MYOCOS: variants seen among roughly 807,000 people sequenced by gnomAD.
MYOCOS encodes the protein myocilin opposite strand.
At chr1:171,609,059 C>A (rs1202735990) in intron 1 of MYOCOS, among the ~76,000 whole-genome samples, 1 of 152,204 alleles carries the variant, frequency 6.6e-6, no homozygotes, top group Non-Finnish European at 1.5e-5. Context: ...TACAGCTGGT[C>A]TCAGCCACAG....
intron 1 of MYOCOS, among the ~76,000 whole-genome samples, chr1:171,606,879 G>A (rs949556683): frequency 3.9e-5 from 6 of 152,054 alleles, no homozygotes; most frequent in Non-Finnish European, 7.4e-5. Flanking sequence ...GGATCACGAG[G>A]TCTGGAGTCT....
At chr1:171,612,266 A>G (rs1652368880) in intron 1 of MYOCOS, among the ~76,000 whole-genome samples, 2 of 151,580 alleles carry the variant, frequency 1.3e-5, no homozygotes, top group South Asian at 2.1e-4. Context: ...TTTAGTAGAG[A>G]CGGGGTTTCA....
chr1:171,605,390 CACACAAAA>C (rs377179659), intron 1 of MYOCOS, among the ~76,000 whole-genome samples: 4,533 of 133,336 alleles, frequency 0.034, 253 homozygotes, highest in African/African-American at 0.15. Context: ...CACACACACA[CACACAAAA>C]AAAAAAAAAC....
intron 1 of MYOCOS, among the ~76,000 whole-genome samples, chr1:171,614,573 C>T (rs1157644528): frequency 3.3e-5 from 5 of 152,156 alleles, no homozygotes; most frequent in Non-Finnish European, 5.9e-5. Context: ...GGGGCAGAAA[C>T]GTGGCTAAGG....
chr1:171,615,633 A>G (rs58804054), intron 2 of MYOCOS, among the ~76,000 whole-genome samples: 9,541 of 152,162 alleles, frequency 0.063, 952 homozygotes, highest in African/African-American at 0.22. Context: ...GACATTGTAT[A>G]GAAGAACATT....
upstream of MYOCOS, among the ~76,000 whole-genome samples, chr1:171,621,527 C>G (rs955601202): frequency 1.3e-5 from 2 of 152,112 alleles, no homozygotes; most frequent in South Asian, 2.1e-4. Flanking sequence ...AGGCACCCGC[C>G]ACCACGCCTG....
At chr1:171,623,250 G>A (rs7516058) in intron 1 of MYOCOS, among the ~76,000 whole-genome samples, 15 of 152,188 alleles carry the variant, frequency 9.9e-5, no homozygotes, top group South Asian at 2.1e-4. Context: ...CAAGGTGACC[G>A]GCAGTAAATG....
chr1:171,620,099 A>T (rs1165030519), upstream of MYOCOS, among the ~76,000 whole-genome samples: 2 of 147,872 alleles, frequency 1.4e-5, no homozygotes, highest in East Asian at 3.9e-4. Flanking sequence ...CCTATATATA[A>T]AATATATATA....
At chr1:171,617,456 A>G (rs1246094274), upstream of MYOCOS, among the ~76,000 whole-genome samples, 1 of 152,156 alleles carries the variant, frequency 6.6e-6, no homozygotes, top group Non-Finnish European at 1.5e-5. Context: ...GGTCTGAGAA[A>G]GAGTTGCCAG....
chr1:171,619,741 G>A (rs546197605), upstream of MYOCOS, among the ~76,000 whole-genome samples: 7 of 150,934 alleles, frequency 4.6e-5, no homozygotes, highest in East Asian at 1.4e-3. Context: ...GGAGGCTGAG[G>A]CACATAATCA....
chr1:171,622,531 T>G (rs1293795186), intron 1 of MYOCOS, among the ~76,000 whole-genome samples, 199 bp downstream of exon 1: 1 of 152,182 alleles, frequency 6.6e-6, no homozygotes, highest in East Asian at 1.9e-4. Context: ...GGATATTTCT[T>G]AGCAAATCCA....
chr1:171,613,107 A>C (rs1230305769), intron 1 of MYOCOS, among the ~76,000 whole-genome samples: 3 of 152,150 alleles, frequency 2.0e-5, no homozygotes, highest in African/African-American at 7.2e-5. Flanking sequence ...AAATGTGTGG[A>C]TATTCCTCTG....
upstream of MYOCOS, chr1:171,622,210 T>C (rs1332932761): frequency 6.6e-6 from 1 of 152,236 alleles, no homozygotes; most frequent in African/African-American, 2.4e-5. Flanking sequence ...ATGTGTTTAC[T>C]AGCATCTGAG....
chr1:171,611,750 G>A (rs1294059809), intron 1 of MYOCOS, among the ~76,000 whole-genome samples: 2 of 152,132 alleles, frequency 1.3e-5, no homozygotes, highest in African/African-American at 2.4e-5. Context: ...TGCTACCTCA[G>A]CATCCAAAGA....
chr1:171,602,445 CGTT>C (rs2102930880), intron 1 of MYOCOS, among the ~76,000 whole-genome samples: 1 of 152,088 alleles, frequency 6.6e-6, no homozygotes, highest in African/African-American at 2.4e-5. Flanking sequence ...AGTTTTAAAA[CGTT>C]AATTGTAAAG....
chr1:171,619,983 G>T (rs1652523699), upstream of MYOCOS, among the ~76,000 whole-genome samples: 1 of 150,452 alleles, frequency 6.6e-6, no homozygotes, highest in Non-Finnish European at 1.5e-5. Flanking sequence ...TTGGGATTCA[G>T]ACTGGCATTT....
At chr1:171,610,250 C>A (rs1652332706) in intron 1 of MYOCOS, among the ~76,000 whole-genome samples, 1 of 152,140 alleles carries the variant, frequency 6.6e-6, no homozygotes, top group Non-Finnish European at 1.5e-5. Context: ...ATCTTAGAGG[C>A]TGCCTGTCCC....
chr1:171,624,282 A>G (rs1363931683), intron 2 of MYOCOS, among the ~76,000 whole-genome samples: 1 of 151,816 alleles, frequency 6.6e-6, no homozygotes, highest in African/African-American at 2.4e-5. Flanking sequence ...TGTTTTTTTG[A>G]GACAGGGTCT....
intron 2 of MYOCOS, among the ~76,000 whole-genome samples, chr1:171,624,970 T>C (rs1652665481): frequency 6.6e-6 from 1 of 152,142 alleles, no homozygotes; most frequent in African/African-American, 2.4e-5. Context: ...AAGAAGTTGG[T>C]CAAAAAAATC....
Sources: gnomAD v4.1 joint callset for allele counts (sites outside exome capture counted in the v4.1 genomes callset) on GRCh38, gnomAD v4.1.1 for gene constraint, MANE v1.5 for transcripts, NCBI Gene and HGNC (gene_info 2026-07-23, HGNC 2026-07-21) for gene names.